Variants in ARHGEF10L observed in about 807,000 individuals in gnomAD.
ARHGEF10L encodes the protein rho guanine nucleotide exchange factor 10-like protein.
In ARHGEF10L, 69 loss-of-function variants were observed where a neutral mutation model predicts 141.2. The observed-to-expected ratio is 0.49, with a 90% CI of 0.40 to 0.60. The LOEUF (loss-of-function observed/expected upper bound fraction) is 0.60, where lower values mean the gene tolerates loss of function less well. Among genes scored for constraint, ARHGEF10L ranks in the 20% least tolerant of loss-of-function variants. ARHGEF10L has a pLI of 0.00. For missense variants in ARHGEF10L, 1,482 were observed against 1,734.3 expected, an observed-to-expected ratio of 0.85 and a Z score of 2.58; for synonymous variants, 711 against 718.5, an observed-to-expected ratio of 0.99 and a Z score of 0.17.
At chr1:17,585,123 A>G (rs1009099584) in intron 2 of ARHGEF10L, among the ~76,000 whole-genome samples, 4 of 152,212 alleles carry the variant, frequency 2.6e-5, no homozygotes, top group Admixed American at 2.6e-4. Flanking sequence ...AACACCAAAT[A>G]CAATGCTGAT....
At chr1:17,589,463 T>C (rs911385578) in intron 4 of ARHGEF10L, among the ~76,000 whole-genome samples, 7 of 152,196 alleles carry the variant, frequency 4.6e-5, no homozygotes, top group Non-Finnish European at 1.0e-4. Flanking sequence ...CTGCTTTGTC[T>C]TCCTGGGGTG....
chr1:17,575,850 C>G (rs376152050), intron 1 of ARHGEF10L, among the ~76,000 whole-genome samples: 1 of 152,166 alleles, frequency 6.6e-6, no homozygotes, highest in African/African-American at 2.4e-5. Context: ...GTCTTTCCCC[C>G]CATTCCCCAC....
rs186163948 is a variant in ARHGEF10L, at chr1:17,597,593, C to A, written c.258-4534C>A. Among the ~76,000 whole-genome samples the A allele has an allele frequency of 2.2e-3, 333 of 152,334 alleles. 2 individuals are homozygous for A. The highest frequency in any genetic ancestry group is 7.8e-3 in the African/African-American group (323 of 41,570). ...CCCCATCTCATCGGCCCGAGGAACA[C>A]CTGCTCCAGTCTAGGGAGGCAGCGG... On this transcript the variant is annotated intron_variant, in intron 4 of 28. Coordinates refer to ENST00000361221, the MANE Select transcript of ARHGEF10L (RefSeq NM_018125.4).
chr1:17,567,015 A>G (rs189909927), intron 1 of ARHGEF10L, among the ~76,000 whole-genome samples: 1 of 152,306 alleles, frequency 6.6e-6, no homozygotes, highest in Non-Finnish European at 1.5e-5. Context: ...TGTGACTGCC[A>G]TCACTCTCTT....
At chr1:17,659,348 G>A (rs1571329666) in intron 25 of ARHGEF10L, among the ~76,000 whole-genome samples, 1 of 152,206 alleles carries the variant, frequency 6.6e-6, no homozygotes, top group Non-Finnish European at 1.5e-5. Context: ...CAAGCAGGCA[G>A]CTGTGTTCTC....
intron 27 of ARHGEF10L, among the ~76,000 whole-genome samples, chr1:17,690,677 C>G (rs2065036640): frequency 1.3e-5 from 2 of 152,208 alleles, no homozygotes; most frequent in Non-Finnish European, 2.9e-5. Flanking sequence ...TCCCTCAGGC[C>G]TGAACTTTCC....
intron 15 of ARHGEF10L, among the ~76,000 whole-genome samples, chr1:17,631,043 G>T (rs1042945147): frequency 1.3e-5 from 2 of 150,882 alleles, no homozygotes; most frequent in Non-Finnish European, 2.9e-5. Flanking sequence ...TTTTCTCTCT[G>T]GGGAGGCTCA....
At chr1:17,554,772 G>A (rs1179806290) in intron 1 of ARHGEF10L, among the ~76,000 whole-genome samples, 1 of 151,654 alleles carries the variant, frequency 6.6e-6, no homozygotes, top group Non-Finnish European at 1.5e-5. Context: ...GCATTTTTTT[G>A]TAGAGATGGG....
intron 1 of ARHGEF10L, among the ~76,000 whole-genome samples, chr1:17,552,570 C>CG (rs2077152915): frequency 2.6e-5 from 1 of 38,718 alleles, no homozygotes; most frequent in Admixed American, 3.4e-4. Context: ...GGCTAATTTT[C>CG]GTTTTTTTTT....
intron 1 of ARHGEF10L, among the ~76,000 whole-genome samples, chr1:17,566,277 A>G (rs56290208): frequency 6.6e-6 from 1 of 152,188 alleles, no homozygotes; most frequent in East Asian, 1.9e-4. Context: ...ACCAGATGCC[A>G]GTAGTGTCCC....
At position 17,673,333 on chromosome 1, in the gene ARHGEF10L, C is replaced by T. The variant is rs551072415; in HGVS notation, c.3009+8738C>T. ...TCCACATCCCCCTCCCCTCTGAGCCCGGCAGCAGGGAGAGGGGGAGGGCAG... is the reference window on the plus strand; with the variant it reads ...TCCACATCCCCCTCCCCTCTGAGCCTGGCAGCAGGGAGAGGGGGAGGGCAG... On this transcript the variant is annotated intron_variant, in intron 26 of 28. Transcript: ENST00000361221. This position sits in a 1 kb window ranked among gnomAD's most constrained non-coding sequence, Gnocchi z 4.1. Among the ~76,000 whole-genome samples the T allele has an allele frequency of 6.3e-4, 96 of 152,216 alleles. 2 individuals carry two copies. The South Asian group carries it at 7.5e-3, about 12-fold the overall frequency.
the ARHGEF10L span, among the ~76,000 whole-genome samples, chr1:17,525,679 A>C: frequency 3.3e-5 from 5 of 151,990 alleles, no homozygotes; most frequent in Non-Finnish European, 7.4e-5. Context: ...ATAAACAAAT[A>C]AATAAAATCA....
chr1:17,652,710 G>T (rs928425258), intron 22 of ARHGEF10L, among the ~76,000 whole-genome samples: 2 of 152,130 alleles, frequency 1.3e-5, no homozygotes, highest in Non-Finnish European at 2.9e-5. Context: ...GGCAGGGAGG[G>T]TTCAGCGCAA....
At position 17,587,539 on chromosome 1, in the gene ARHGEF10L, C is replaced by T; in HGVS notation, c.117C>T (p.Asp39=). 6.2e-7 allele frequency: 1 copy of T among 1,614,208 alleles called. No homozygotes were observed. The highest frequency in any genetic ancestry group is 8.5e-7 in the Non-Finnish European group (1 of 1,180,034). ...DDPGEAFEFD[D]SDDEEDTSAA... is the part of the protein sequence containing the mutation. Reference sequence around the variant, plus strand: ...CAGGAGAGGCGTTTGAGTTTGATGACAGTGATGATGAAGAGGACACCAGCG... The same window carrying T: ...CAGGAGAGGCGTTTGAGTTTGATGATAGTGATGATGAAGAGGACACCAGCG... The change falls in exon 3 of 29, where the codon GAC becomes GAT. Residue 39 remains aspartate (D), a synonymous_variant. Coordinates refer to ENST00000361221, the MANE Select transcript of ARHGEF10L (RefSeq NM_018125.4).
Position 17,569,881 on chromosome 1 carries a change from A to T in ARHGEF10L, c.-43-10672A>T, listed in dbSNP as rs374793256. Among the ~76,000 whole-genome samples the T allele has an allele frequency of 3.9e-4, 59 of 152,370 alleles. No homozygotes were observed. The East Asian group carries it at 0.011, about 29-fold the overall frequency. On this transcript the variant is annotated intron_variant, in intron 1 of 28. Transcript: ENST00000361221. ...TTTTTGGGAGAGAGTTTTTAAAAATAGTCCAAGTCCTCCTCTGGCCCTGTC... is the reference window on the plus strand; with the variant it reads ...TTTTTGGGAGAGAGTTTTTAAAAATTGTCCAAGTCCTCCTCTGGCCCTGTC...
chr1:17,661,711 T>C lies in ARHGEF10L; in HGVS notation c.2861-2736T>C, dbSNP rs181165261. Among the ~76,000 whole-genome samples the C allele has an allele frequency of 1.2e-4, 18 of 152,290 alleles. No individual in the cohort carries two copies. In the East Asian group the frequency reaches 2.9e-3, roughly 25 times the overall value. On this transcript the variant is annotated intron_variant, in intron 25 of 28. Transcript: ENST00000361221. ...CCCATCTCAGCCATAGCAGCCTAATTAGACTCCAGCTTCCAGCCACGAACA... is the reference window on the plus strand; with the variant it reads ...CCCATCTCAGCCATAGCAGCCTAATCAGACTCCAGCTTCCAGCCACGAACA...
the ARHGEF10L span, among the ~76,000 whole-genome samples, chr1:17,517,196 A>G: frequency 2.6e-5 from 4 of 152,182 alleles, no homozygotes; most frequent in African/African-American, 9.7e-5. Context: ...CAAAACATCC[A>G]TGTACTACAG....
intron 4 of ARHGEF10L, among the ~76,000 whole-genome samples, chr1:17,599,162 C>A (rs1254992942): frequency 6.6e-6 from 1 of 151,990 alleles, no homozygotes; most frequent in Non-Finnish European, 1.5e-5. Flanking sequence ...GTGGCGAAAC[C>A]CCATCTCTAC....
intron 1 of ARHGEF10L, among the ~76,000 whole-genome samples, chr1:17,557,833 C>T (rs1338727784): frequency 6.6e-6 from 1 of 152,082 alleles, no homozygotes; most frequent in Non-Finnish European, 1.5e-5. Context: ...GGATGATTGG[C>T]CAGGCTGGGG....
Sources: gnomAD v4.1 joint callset for allele counts (sites outside exome capture counted in the v4.1 genomes callset) on GRCh38, gnomAD v4.1.1 for gene constraint, Gnocchi (gnomAD v3.1) non-coding constraint, MANE v1.5 for transcripts, NCBI Gene and HGNC (gene_info 2026-07-23, HGNC 2026-07-21) for gene names.